Variants in ZC3H3 observed in about 807,000 individuals in gnomAD.
ZC3H3 encodes the protein zinc finger CCCH domain-containing protein 3.
In ZC3H3, 36 loss-of-function variants were observed where a neutral mutation model predicts 77.3. That is an observed-to-expected ratio of 0.47 (90% CI 0.36 to 0.61). ZC3H3 has a LOEUF of 0.61. ZC3H3 is among the 20% of genes least tolerant of loss of function. ZC3H3 has a pLI of 0.00. For missense variants in ZC3H3, 1,331 were observed against 1,312.2 expected, an observed-to-expected ratio of 1.01 and a Z score of -0.22; for synonymous variants, 626 against 555.2, an observed-to-expected ratio of 1.13 and a Z score of -1.79.
chr8:143,515,962 TA>T (rs537514387), intron 3 of ZC3H3, among the ~76,000 whole-genome samples: 329 of 152,302 alleles, frequency 2.2e-3, no homozygotes, highest in African/African-American at 7.1e-3. Context: ...CCCTAGCATC[TA>T]GCCAGCCCTG....
intron 4 of ZC3H3, among the ~76,000 whole-genome samples, chr8:143,485,986 C>G (rs1302389166): frequency 6.6e-6 from 1 of 152,272 alleles, no homozygotes; most frequent in East Asian, 1.9e-4. Context: ...CATGCTGCTG[C>G]TGGCAGGCTG....
intron 3 of ZC3H3, among the ~76,000 whole-genome samples, chr8:143,519,673 C>G (rs888119682): frequency 6.6e-6 from 1 of 152,304 alleles, no homozygotes; most frequent in South Asian, 2.1e-4. Flanking sequence ...GCGGCCCACA[C>G]AGCAGCACGG....
At chr8:143,465,314 G>C (rs1820378527) in intron 9 of ZC3H3, among the ~76,000 whole-genome samples, 1 of 134,310 alleles carries the variant, frequency 7.4e-6, no homozygotes, top group Admixed American at 7.2e-5. Context: ...GCCTTCCTGG[G>C]GAGGCTGCTG....
intron 4 of ZC3H3, among the ~76,000 whole-genome samples, chr8:143,486,365 C>T (rs114932941): frequency 1.3e-5 from 2 of 152,378 alleles, no homozygotes; most frequent in African/African-American, 4.8e-5. Context: ...GAGGCTCTGG[C>T]AAGGCTGGTT....
chr8:143,471,136 T>G (rs1182275765), intron 5 of ZC3H3, among the ~76,000 whole-genome samples: 2 of 152,234 alleles, frequency 1.3e-5, no homozygotes, highest in Non-Finnish European at 2.9e-5. Context: ...ACATCCACGA[T>G]GACCGGGGCA....
intron 4 of ZC3H3, 91 bp downstream of exon 4, chr8:143,507,655 C>A: frequency 7.3e-7 from 1 of 1,361,980 alleles, no homozygotes; most frequent in South Asian, 1.7e-5. Context: ...CTCAGCTCCC[C>A]CTGGCCCTTG....
intron 9 of ZC3H3, among the ~76,000 whole-genome samples, chr8:143,454,398 C>T (rs1189362234): frequency 6.7e-6 from 1 of 149,272 alleles, no homozygotes; most frequent in Non-Finnish European, 1.5e-5. Context: ...GCCAACAATT[C>T]ATAATTTTTT....
chr8:143,503,334 T>C (rs1821584321), intron 4 of ZC3H3, among the ~76,000 whole-genome samples: 1 of 152,106 alleles, frequency 6.6e-6, no homozygotes, highest in Non-Finnish European at 1.5e-5. Flanking sequence ...ACACATGATG[T>C]CTGGCGTGTG....
intron 4 of ZC3H3, 131 bp downstream of exon 4, chr8:143,507,615 G>C: frequency 8.9e-7 from 1 of 1,118,744 alleles, no homozygotes; most frequent in Non-Finnish European, 1.2e-6. Flanking sequence ...CCCAGCCAAC[G>C]AGCCCAACAC....
Position 143,438,091 on chromosome 8 carries a change from T to C in ZC3H3, c.2816-4A>G, listed in dbSNP as rs1188187490. The C allele has an allele frequency of 5.0e-6, 8 of 1,609,546 alleles. No homozygotes were observed. The highest frequency in any genetic ancestry group is 1.1e-5 in the South Asian group (1 of 89,960). On this transcript the variant is annotated splice_polypyrimidine_tract_variant and splice_region_variant and intron_variant, in intron 11 of 11. Coordinates refer to ENST00000262577, the MANE Select transcript of ZC3H3 (RefSeq NM_015117.3). ...GGTTTGATGTGCAGAGGCTTCCCTA[T>C]GCAAAGAGGGCAAAAGTTAGGTGCC...
intron 4 of ZC3H3, among the ~76,000 whole-genome samples, chr8:143,480,515 T>C (rs1022605276): frequency 9.2e-5 from 14 of 152,230 alleles, no homozygotes; most frequent in African/African-American, 3.4e-4. Flanking sequence ...GATGCACACA[T>C]ACACGTGGCC....
At chr8:143,472,320 T>C (rs1586898240) in intron 5 of ZC3H3, among the ~76,000 whole-genome samples, 1 of 152,114 alleles carries the variant, frequency 6.6e-6, no homozygotes, top group South Asian at 2.1e-4. Context: ...TCAGCAAGGG[T>C]GGCCGGGATA....
At position 143,539,182 on chromosome 8, in the gene ZC3H3, T is replaced by G; in HGVS notation, c.185A>C (p.Tyr62Ser). The change falls in exon 2 of 12, where the codon TAC becomes TCC. Residue 62 changes from tyrosine (Y) to serine (S), a missense_variant. Around this residue, in one of 3 missense-constraint regions of ZC3H3, gnomAD observed 978 missense variants for 915.5 expected, o/e 1.07. Coordinates refer to ENST00000262577, the MANE Select transcript of ZC3H3 (RefSeq NM_015117.3). ...ARYPRPSRRG[Y>S]SSHHGPSWRK... ...CCACGAAGGCCCATGGTGGGAAGAG[T>G]AGCCCCTCCGGCTTGGACGAGGGTA... The G allele has an allele frequency of 1.2e-6, 2 of 1,612,296 alleles. No homozygotes were observed. Among genetic ancestry groups the G allele is most frequent in the Non-Finnish European group, 1.7e-6 (2 of 1,179,872 alleles).
intron 5 of ZC3H3, among the ~76,000 whole-genome samples, chr8:143,470,806 T>C (rs920603094): frequency 2.6e-5 from 4 of 152,158 alleles, no homozygotes; most frequent in Non-Finnish European, 4.4e-5. Flanking sequence ...AAAATGCACA[T>C]AAAATAGCTG....
chr8:143,531,532 T>G (rs577666267), intron 3 of ZC3H3, among the ~76,000 whole-genome samples: 1 of 152,218 alleles, frequency 6.6e-6, no homozygotes, highest in Non-Finnish European at 1.5e-5. Flanking sequence ...TGCTGAACAA[T>G]GCACTTTTGA....
chr8:143,536,249 C>T lies in ZC3H3; in HGVS notation c.1561+8G>A, dbSNP rs1822791991. The T allele has an allele frequency of 6.2e-7, 1 of 1,608,580 alleles. No homozygotes were observed. The highest frequency in any genetic ancestry group is 1.3e-5 in the African/African-American group (1 of 74,976). ...CCCCAGTGCCCAGCGCCCCTGCTCC[C>T]AGCATACCTTCCTTGGTGGGGAGGT... On this transcript the variant is annotated splice_region_variant and intron_variant, in intron 3 of 11. Transcript: ENST00000262577.
Position 143,440,927 on chromosome 8 carries a change from C to A in ZC3H3, c.2492+9G>T. ...AGGCTCACATGCACAGTGCCCACTGCCCCATCACCTGGGCCCGTGGCTGGC... is the reference window on the plus strand; with the variant it reads ...AGGCTCACATGCACAGTGCCCACTGACCCATCACCTGGGCCCGTGGCTGGC... On this transcript the variant is annotated intron_variant, in intron 10 of 11. Transcript: ENST00000262577. The A allele has an allele frequency of 7.0e-7, 1 of 1,420,510 alleles. No individual in the cohort carries two copies. The highest frequency in any genetic ancestry group is 9.2e-7 in the Non-Finnish European group (1 of 1,091,764). 88.0% of individuals were successfully genotyped at this position (1,420,510 alleles called of 1,614,324 possible). A position where few individuals can be genotyped will look rare whatever the true frequency, so the allele number is the denominator to read the frequency against.
At chr8:143,438,193 A>G in intron 11 of ZC3H3, 106 bp from the exon 12 acceptor site, 3 of 1,392,948 alleles carry the variant, frequency 2.2e-6, no homozygotes, top group Non-Finnish European at 3.0e-6. Flanking sequence ...TGTCAGCCCA[A>G]GCACACACAG....
chr8:143,538,942 T>C lies in ZC3H3; in HGVS notation c.425A>G (p.Gln142Arg), dbSNP rs200702551. 2.5e-6 allele frequency: 4 copies of C among 1,613,040 alleles called. No individual in the cohort carries two copies. The highest frequency in any genetic ancestry group is 2.7e-5 in the African/African-American group (2 of 75,068). The change falls in exon 2 of 12, where the codon CAG (glutamine) becomes CGG (arginine). Residue 142 changes from glutamine (Q) to arginine (R), a missense_variant. Transcript: ENST00000262577. ...KSGSASASGA[Q>R]RGSLEEFEET... ...CTCAAATTCTTCCAAAGAGCCCCGC[T>C]GGGCCCCTGAGGCACTGGCAGAGCC...
Sources: gnomAD v4.1 joint callset for allele counts (sites outside exome capture counted in the v4.1 genomes callset) on GRCh38, gnomAD v4.1.1 for gene constraint, gnomAD v4.1.1 regional missense constraint, MANE v1.5 for transcripts, NCBI Gene and HGNC (gene_info 2026-07-23, HGNC 2026-07-21) for gene names.